Variants in SERPINB5 observed in about 807,000 individuals in gnomAD.
SERPINB5 encodes the protein serpin family B member 5.
In SERPINB5, 27 loss-of-function variants were observed where a neutral mutation model predicts 32.2. That is an observed-to-expected ratio of 0.84 (90% CI 0.62 to 1.16). SERPINB5 has a LOEUF of 1.16. Among genes scored for constraint, SERPINB5 ranks in the 50% most tolerant of loss-of-function variants. The pLI, the probability that SERPINB5 is intolerant of heterozygous loss-of-function variation, is 0.00. For synonymous variants in SERPINB5, 154 were observed against 157.4 expected (o/e 0.98, Z 0.16); for missense variants, 388 against 436.3 (o/e 0.89, Z 0.99).
intron 4 of SERPINB5, among the ~76,000 whole-genome samples, chr18:63,492,327 A>G (rs953349934): frequency 8.5e-5 from 13 of 152,256 alleles, no homozygotes; most frequent in African/African-American, 3.1e-4. Context: ...GAAGGGGACA[A>G]CCTTCAGACA....
chr18:63,495,460 A>G (rs1909427479), intron 5 of SERPINB5, among the ~76,000 whole-genome samples: 2 of 152,204 alleles, frequency 1.3e-5, no homozygotes, highest in African/African-American at 4.8e-5. Context: ...GCTCTCCTCC[A>G]TAGCAAGGGC....
At position 63,484,705 on chromosome 18, in the gene SERPINB5, A is replaced by G. The variant is rs1917178028; in HGVS notation, c.168+109A>G. 6 of 871,414 alleles carry G rather than the reference A, an allele frequency of 6.9e-6. No individual in the cohort carries two copies. In the South Asian group the frequency reaches 9.7e-5, roughly 14 times the overall value. 54.0% of individuals were successfully genotyped at this position (871,414 alleles called of 1,614,324 possible). A position where few individuals can be genotyped will look rare whatever the true frequency, so the allele number is the denominator to read the frequency against. On this transcript the variant is annotated intron_variant, in intron 2 of 6. Coordinates refer to ENST00000382771, the MANE Select transcript of SERPINB5 (RefSeq NM_002639.5). ...TAGACTTTGTGGCCAGAATTGGTCAAGATTCAGAACTGTGCCATTCCAGGA... is the reference window on the plus strand; with the variant it reads ...TAGACTTTGTGGCCAGAATTGGTCAGGATTCAGAACTGTGCCATTCCAGGA...
intron 3 of SERPINB5, 97 bp downstream of exon 3, chr18:63,487,180 T>C: frequency 2.6e-6 from 3 of 1,166,884 alleles, no homozygotes; most frequent in African/African-American, 1.6e-5. Flanking sequence ...GAAATTCCTT[T>C]CTAGGATGTT....
intron 1 of SERPINB5, among the ~76,000 whole-genome samples, chr18:63,481,042 C>A (rs1037785603): frequency 2.0e-5 from 3 of 152,186 alleles, no homozygotes; most frequent in Non-Finnish European, 4.4e-5. Context: ...GGAAGGTCCG[C>A]CAATGGTGAG....
intron 2 of SERPINB5, among the ~76,000 whole-genome samples, chr18:63,486,392 ACT>A (rs960301417): frequency 1.3e-5 from 2 of 152,056 alleles, no homozygotes; most frequent in Non-Finnish European, 2.9e-5. Flanking sequence ...GACTAGACAG[ACT>A]CTGGCTAGAG....
Position 63,503,932 on chromosome 18 carries a change from C to A in SERPINB5, c.*210C>A. 1 of 556,804 alleles carries A rather than the reference C, an allele frequency of 1.8e-6. No homozygotes were observed. The highest frequency in any genetic ancestry group is 3.1e-6 in the Non-Finnish European group (1 of 320,348). The allele number at this position is 556,804 out of a possible 1,614,324, so 34.5% of individuals were successfully genotyped here. ...TTTTGTTTCCTTTTTTCCCATAAGA[C>A]AATGACATACGCTTTTAATGAAAAG... On this transcript the variant is annotated 3_prime_UTR_variant, in exon 7 of 7. Transcript: ENST00000382771.
chr18:63,491,390 G>C (rs1599390459), intron 4 of SERPINB5, among the ~76,000 whole-genome samples: 1 of 96,642 alleles, frequency 1.0e-5, no homozygotes. Flanking sequence ...TGAGAAGAGA[G>C]AAACTGCGTC....
intron 5 of SERPINB5, among the ~76,000 whole-genome samples, chr18:63,493,935 CT>C (rs1909395725): frequency 6.6e-6 from 1 of 152,140 alleles, no homozygotes; most frequent in Non-Finnish European, 1.5e-5. Context: ...CAAAGTATGG[CT>C]TACTCATTGA....
rs150447412 is a variant in SERPINB5, at chr18:63,489,339, T to C, written c.307-8T>C. The C allele has an allele frequency of 2.0e-6, 3 of 1,505,850 alleles. No homozygotes were observed. Among genetic ancestry groups the C allele is most frequent in the African/African-American group, 2.8e-5 (2 of 71,974 alleles). The allele number at this position is 1,505,850 out of a possible 1,614,324, so 93.3% of individuals were successfully genotyped here. ...AGACTCTGATTTTATGAACTGCATG[T>C]TTTTCAGGAGTTCATCAGCTCTACG... On this transcript the variant is annotated splice_polypyrimidine_tract_variant and splice_region_variant and intron_variant, in intron 3 of 6. Transcript: ENST00000382771.
At chr18:63,484,783 T>C (rs966655833) in intron 2 of SERPINB5, among the ~76,000 whole-genome samples, 187 bp downstream of exon 2, 2 of 114,912 alleles carry the variant, frequency 1.7e-5, no homozygotes, top group African/African-American at 6.7e-5. Flanking sequence ...GGTCCCACTC[T>C]GTCACCCATG....
At chr18:63,478,117 G>A (rs1257021035) in intron 1 of SERPINB5, among the ~76,000 whole-genome samples, 1 of 152,226 alleles carries the variant, frequency 6.6e-6, no homozygotes. Context: ...GATGAAGCCT[G>A]TCTGAGGAAA....
intron 4 of SERPINB5, among the ~76,000 whole-genome samples, chr18:63,491,819 T>A (rs1023454282): frequency 6.6e-6 from 1 of 152,140 alleles, no homozygotes; most frequent in Non-Finnish European, 1.5e-5. Flanking sequence ...AGGGTTGAAG[T>A]TGAAGCTCTG....
rs892786742 is a variant in SERPINB5, at chr18:63,489,380, A to G, written c.340A>G (p.Lys114Glu). The G allele has an allele frequency of 6.2e-7, 1 of 1,612,886 alleles. No individual in the cohort carries two copies. The highest frequency in any genetic ancestry group is 8.5e-7 in the Non-Finnish European group (1 of 1,179,396). ...FISSTKRPYA[K>E]ELETVDFKDK... is the part of the protein sequence containing the mutation. Reference sequence around the variant, plus strand: ...CAGCTCTACGAAGAGACCGTATGCAAAGGAATTGGAAACTGTTGACTTCAA... The same window carrying G: ...CAGCTCTACGAAGAGACCGTATGCAGAGGAATTGGAAACTGTTGACTTCAA... The change falls in exon 4 of 7, where the codon AAG becomes GAG. Residue 114 changes from lysine (K) to glutamate (E), a missense_variant. Coordinates refer to ENST00000382771, the MANE Select transcript of SERPINB5 (RefSeq NM_002639.5).
chr18:63,503,641 T>C lies in SERPINB5; in HGVS notation c.1047T>C (p.Asn349=). ...TCCTGCAGCACAAGGATGAATTGAA[T>C]GCTGACCATCCCTTTATTTACATCA... ...ARILQHKDEL[N]ADHPFIYIIR... is the part of the protein sequence containing the mutation. Residue 349 remains asparagine (N), a synonymous_variant, in exon 7 of 7, where the codon AAT becomes AAC. Coordinates refer to ENST00000382771, the MANE Select transcript of SERPINB5 (RefSeq NM_002639.5). The C allele has an allele frequency of 6.2e-7, 1 of 1,614,194 alleles. No individual in the cohort carries two copies. The highest frequency in any genetic ancestry group is 8.5e-7 in the Non-Finnish European group (1 of 1,180,002).
intron 1 of SERPINB5, among the ~76,000 whole-genome samples, chr18:63,483,936 C>A (rs903993915): frequency 1.3e-5 from 2 of 152,208 alleles, no homozygotes; most frequent in Non-Finnish European, 2.9e-5. Context: ...CTTAACATAT[C>A]TTTTTGGGGG....
At chr18:63,483,241 C>A (rs538351847) in intron 1 of SERPINB5, among the ~76,000 whole-genome samples, 1 of 152,214 alleles carries the variant, frequency 6.6e-6, no homozygotes, top group Non-Finnish European at 1.5e-5. Context: ...TATTATACCA[C>A]TCACATGTCT....
intron 1 of SERPINB5, among the ~76,000 whole-genome samples, chr18:63,483,981 A>G (rs1917164113): frequency 6.6e-6 from 1 of 152,240 alleles, no homozygotes; most frequent in Admixed American, 6.5e-5. Flanking sequence ...CTAAATATTA[A>G]ACTGAACAAT....
At chr18:63,483,208 TTTTC>T (rs1172432350) in intron 1 of SERPINB5, among the ~76,000 whole-genome samples, 1 of 152,336 alleles carries the variant, frequency 6.6e-6, no homozygotes, top group African/African-American at 2.4e-5. Flanking sequence ...CTGTTCCCTC[TTTTC>T]TTTAACTCCC....
At chr18:63,484,222 A>G (rs544440947) in intron 1 of SERPINB5, among the ~76,000 whole-genome samples, 200 bp from the exon 2 acceptor site, 2 of 152,366 alleles carry the variant, frequency 1.3e-5, no homozygotes, top group South Asian at 4.1e-4. Flanking sequence ...CTGGACACAC[A>G]GAGGACCTCA....
Sources: gnomAD v4.1 joint callset for allele counts (sites outside exome capture counted in the v4.1 genomes callset) on GRCh38, gnomAD v4.1.1 for gene constraint, MANE v1.5 for transcripts, NCBI Gene and HGNC (gene_info 2026-07-23, HGNC 2026-07-21) for gene names.